The following MRTFB variants were observed in gnomAD, a reference collection of about 807,000 sequenced individuals.
MRTFB encodes myocardin-related transcription factor B.
In MRTFB, 29 loss-of-function variants were observed where a neutral mutation model predicts 104.2. That is an observed-to-expected ratio of 0.28 (90% CI 0.21 to 0.38). The LOEUF is 0.38. Ranked by LOEUF, MRTFB falls within the 10% of genes least tolerant of loss-of-function variation. MRTFB has a pLI of 1.00. For missense variants in MRTFB, 1,270 were observed against 1,341.6 expected, an observed-to-expected ratio of 0.95 and a Z score of 0.83; for synonymous variants, 535 against 519.5, an observed-to-expected ratio of 1.03 and a Z score of -0.41.
At chr16:14,060,837 C>T in the MRTFB span, among the ~76,000 whole-genome samples, 1 of 152,026 alleles carries the variant, frequency 6.6e-6, no homozygotes, top group African/African-American at 2.4e-5. Flanking sequence ...AGCCATCAAC[C>T]AGGAGCTGCT....
intron 3 of MRTFB, among the ~76,000 whole-genome samples, chr16:14,159,374 A>G (rs544269281): frequency 6.6e-6 from 1 of 152,342 alleles, no homozygotes; most frequent in South Asian, 2.1e-4. Context: ...TTTCTCTAGT[A>G]GAAGATGTCC....
chr16:14,261,167 C>A lies in MRTFB; in HGVS notation c.3023C>A (p.Pro1008His), dbSNP rs745709464. ...CAAAGCAGCAGTGAAGACAGAGAGC[C>A]CTTCTCTCTGATCGAGGACCTCCAG... ...PLQSSSEDRE[P>H]FSLIEDLQND... is the part of the protein sequence containing the mutation. The change falls in exon 17 of 17, where the codon CCC becomes CAC. Residue 1008 changes from proline to histidine, a missense_variant. Physicochemically the swap from Pro to His is moderately conservative, Grantham distance 77 (BLOSUM62 -2). Coordinates refer to ENST00000571589, the MANE Select transcript of MRTFB (RefSeq NM_001308142.2). 35 of 1,614,180 alleles carry A rather than the reference C, an allele frequency of 2.2e-5. No homozygotes were observed. The highest frequency in any genetic ancestry group is 2.9e-5 in the Non-Finnish European group (34 of 1,180,040).
chr16:14,125,394 T>C (rs1364056595), intron 2 of MRTFB, among the ~76,000 whole-genome samples: 2 of 152,252 alleles, frequency 1.3e-5, no homozygotes, highest in African/African-American at 4.8e-5. Flanking sequence ...TCATCTTAGA[T>C]TTCAGAGAAA....
chr16:14,193,121 C>T lies in MRTFB; in HGVS notation c.155-17122C>T, dbSNP rs184184492. Among the ~76,000 whole-genome samples the T allele has an allele frequency of 5.5e-4, 82 of 150,172 alleles. 1 individual carries two copies. Among genetic ancestry groups the T allele is most frequent in the African/African-American group, 2.0e-3 (80 of 40,680 alleles). Reference sequence around the variant, plus strand: ...CCTCCCCCTACACACATTCTGGCCCCTTTCATTCCTTCACCCTCCACTGAT... The same window carrying T: ...CCTCCCCCTACACACATTCTGGCCCTTTTCATTCCTTCACCCTCCACTGAT... On this transcript the variant is annotated intron_variant, in intron 3 of 16. Transcript: ENST00000571589.
intron 3 of MRTFB, among the ~76,000 whole-genome samples, chr16:14,203,220 T>A (rs1005423834): frequency 4.6e-5 from 7 of 151,996 alleles, no homozygotes; most frequent in Non-Finnish European, 1.0e-4. Context: ...ACATTGGAGC[T>A]TCTCTCTAAC....
At chr16:14,037,287 G>A in the MRTFB span, among the ~76,000 whole-genome samples, 3 of 152,314 alleles carry the variant, frequency 2.0e-5, no homozygotes, top group Admixed American at 6.5e-5. Flanking sequence ...TATTGCTGGC[G>A]CTCAATAGAT....
At chr16:14,004,821 G>C in the MRTFB span, among the ~76,000 whole-genome samples, 1 of 152,242 alleles carries the variant, frequency 6.6e-6, no homozygotes, top group East Asian at 1.9e-4. Flanking sequence ...CTCCATGACA[G>C]CTTTCTCCAG....
intron 3 of MRTFB, chr16:14,152,534 T>C (rs141862621): frequency 9.8e-4 from 149 of 152,294 alleles, no homozygotes; most frequent in African/African-American, 3.5e-3. Flanking sequence ...TATTTTATTG[T>C]GTATTTTTAT....
chr16:14,189,107 T>A (rs999577395), intron 3 of MRTFB, among the ~76,000 whole-genome samples: 1 of 152,220 alleles, frequency 6.6e-6, no homozygotes, highest in Non-Finnish European at 1.5e-5. Context: ...TAAAATAATG[T>A]ATGTAGACAT....
At chr16:14,171,257 C>G (rs1296991823) in intron 3 of MRTFB, among the ~76,000 whole-genome samples, 1 of 152,166 alleles carries the variant, frequency 6.6e-6, no homozygotes, top group Non-Finnish European at 1.5e-5. Flanking sequence ...TTCATTGTTT[C>G]TAGATCCTCT....
intron 8 of MRTFB, among the ~76,000 whole-genome samples, chr16:14,228,277 A>G (rs2042099081): frequency 2.0e-5 from 3 of 152,314 alleles, no homozygotes; most frequent in Non-Finnish European, 4.4e-5. Context: ...TTCTGGGTAT[A>G]TGCCCAAAAG....
chr16:14,125,785 G>T (rs989178178), intron 2 of MRTFB, among the ~76,000 whole-genome samples: 5 of 152,134 alleles, frequency 3.3e-5, no homozygotes, highest in Non-Finnish European at 7.4e-5. Context: ...TCAAGTGATG[G>T]TTAACATTTT....
intron 3 of MRTFB, among the ~76,000 whole-genome samples, chr16:14,205,855 A>G (rs1449382149): frequency 1.3e-5 from 2 of 152,166 alleles, no homozygotes; most frequent in Non-Finnish European, 2.9e-5. Flanking sequence ...TGGTTCATCT[A>G]CTCAGCAAGG....
intron 15 of MRTFB, among the ~76,000 whole-genome samples, chr16:14,253,198 G>T (rs931425241): frequency 6.6e-6 from 1 of 152,112 alleles, no homozygotes; most frequent in African/African-American, 2.4e-5. Flanking sequence ...GAGAGTACTT[G>T]TCATACATTA....
chr16:14,207,568 A>T (rs2041006163), intron 3 of MRTFB, among the ~76,000 whole-genome samples: 1 of 152,090 alleles, frequency 6.6e-6, no homozygotes, highest in Admixed American at 6.5e-5. Flanking sequence ...TGGTTTTTGT[A>T]TGCTACTGAG....
At chr16:14,059,510 G>A in the MRTFB span, among the ~76,000 whole-genome samples, 2 of 152,100 alleles carry the variant, frequency 1.3e-5, no homozygotes, top group African/African-American at 2.4e-5. Flanking sequence ...AGGACAGGAC[G>A]ACAAGCTCTG....
At chr16:14,144,000 T>G (rs2038162387) in intron 3 of MRTFB, 1 of 152,246 alleles carries the variant, frequency 6.6e-6, no homozygotes, top group Non-Finnish European at 1.5e-5. Flanking sequence ...AAGCAGTTTT[T>G]AAAAGGCTAC....
intron 3 of MRTFB, among the ~76,000 whole-genome samples, chr16:14,191,567 T>A (rs2040185030): frequency 6.6e-6 from 1 of 152,254 alleles, no homozygotes. Context: ...TCTGGCCTGT[T>A]TGTCCCCCTC....
the MRTFB span, among the ~76,000 whole-genome samples, chr16:13,999,181 ACT>A: frequency 6.8e-6 from 1 of 146,244 alleles, no homozygotes; most frequent in Admixed American, 7.0e-5. Flanking sequence ...TAAGAGTAAG[ACT>A]CTGTCTCCAA....
Sources: gnomAD v4.1 joint callset for allele counts (sites outside exome capture counted in the v4.1 genomes callset) on GRCh38, gnomAD v4.1.1 for gene constraint, MANE v1.5 for transcripts, NCBI Gene and HGNC (gene_info 2026-07-23, HGNC 2026-07-21) for gene names.